PALM2AKAP2: variants seen among roughly 807,000 people sequenced by gnomAD.
PALM2AKAP2 encodes the protein PALM2 and AKAP2 fusion.
Under a neutral mutation model 71.5 loss-of-function variants are expected in PALM2AKAP2, and 37 were observed. The observed-to-expected ratio is 0.52, with a 90% confidence interval of 0.40 to 0.68. PALM2AKAP2 has a LOEUF of 0.68. Among genes scored for constraint, PALM2AKAP2 ranks in the 30% least tolerant of loss-of-function variants. The pLI, the probability that PALM2AKAP2 is intolerant of heterozygous loss-of-function variation, is 0.00. For synonymous variants in PALM2AKAP2, 468 were observed against 478.8 expected, an observed-to-expected ratio of 0.98 and a Z score of 0.29; for missense variants, 1,224 against 1,191.8, an observed-to-expected ratio of 1.03 and a Z score of -0.40.
At chr9:110,025,635 C>T (rs562245549) in intron 7 of PALM2AKAP2, among the ~76,000 whole-genome samples, 1 of 152,282 alleles carries the variant, frequency 6.6e-6, no homozygotes, top group South Asian at 2.1e-4. Context: ...AAAGCATCTA[C>T]ACCACTTTAC....
chr9:110,003,287 G>A (rs543697520), intron 6 of PALM2AKAP2, among the ~76,000 whole-genome samples: 23 of 152,012 alleles, frequency 1.5e-4, no homozygotes, highest in Non-Finnish European at 2.5e-4. Context: ...ATTTTGTTAT[G>A]TACCCAGTAG....
At chr9:110,120,993 T>C (rs1006131848) in intron 1 of PALM2AKAP2, among the ~76,000 whole-genome samples, 3 of 152,112 alleles carry the variant, frequency 2.0e-5, no homozygotes, top group Admixed American at 6.5e-5. Context: ...GAGGGGTCCA[T>C]ATGTTTGTAT....
At chr9:109,952,653 T>C (rs1831666121) in intron 6 of PALM2AKAP2, among the ~76,000 whole-genome samples, 1 of 152,240 alleles carries the variant, frequency 6.6e-6, no homozygotes, top group African/African-American at 2.4e-5. Flanking sequence ...AAGCATTTAG[T>C]GCAGTTGTTT....
At chr9:109,796,988 ACC>A (rs1298861047) in intron 1 of PALM2AKAP2, among the ~76,000 whole-genome samples, 1 of 152,128 alleles carries the variant, frequency 6.6e-6, no homozygotes, top group African/African-American at 2.4e-5. Flanking sequence ...GGTAAAAATA[ACC>A]TTTAGCTGGG....
chr9:109,916,432 G>A (rs1415925462), intron 3 of PALM2AKAP2, among the ~76,000 whole-genome samples: 1 of 152,174 alleles, frequency 6.6e-6, no homozygotes, highest in Non-Finnish European at 1.5e-5. Context: ...ATTGGGAGTG[G>A]GGACGGAAAC....
chr9:110,126,484 A>T (rs1292995602), intron 1 of PALM2AKAP2, among the ~76,000 whole-genome samples: 1 of 152,200 alleles, frequency 6.6e-6, no homozygotes. Context: ...AGCTTGGTTT[A>T]TTCTGGGGTA....
At chr9:110,059,690 C>T (rs2132542876) in intron 1 of PALM2AKAP2, among the ~76,000 whole-genome samples, 1 of 152,238 alleles carries the variant, frequency 6.6e-6, no homozygotes, top group African/African-American at 2.4e-5. Flanking sequence ...CAGAAGAAGC[C>T]AGAGTGCTAG....
intron 1 of PALM2AKAP2, among the ~76,000 whole-genome samples, chr9:109,774,185 G>A (rs369302778): frequency 2.0e-5 from 3 of 152,200 alleles, no homozygotes; most frequent in Non-Finnish European, 4.4e-5. Flanking sequence ...GGAGCACATC[G>A]TGGTCATTGT....
chr9:110,109,682 C>T (rs1835201412), intron 1 of PALM2AKAP2, among the ~76,000 whole-genome samples: 1 of 152,148 alleles, frequency 6.6e-6, no homozygotes. Flanking sequence ...CAGGTTTAAC[C>T]TGAATCCTTG....
At chr9:110,008,074 C>T (rs1280435096) in intron 6 of PALM2AKAP2, among the ~76,000 whole-genome samples, 1 of 152,118 alleles carries the variant, frequency 6.6e-6, no homozygotes, top group Non-Finnish European at 1.5e-5. Context: ...AGTTGTTACA[C>T]AGAAAGGTGG....
At chr9:109,703,479 A>T (rs1207606681) in intron 1 of PALM2AKAP2, among the ~76,000 whole-genome samples, 1 of 152,120 alleles carries the variant, frequency 6.6e-6, no homozygotes, top group African/African-American at 2.4e-5. Flanking sequence ...TGTCCTGAAA[A>T]TGTCTTACAG....
intron 1 of PALM2AKAP2, among the ~76,000 whole-genome samples, chr9:110,073,278 T>C (rs1232737551): frequency 6.6e-6 from 1 of 152,192 alleles, no homozygotes; most frequent in Admixed American, 6.5e-5. Context: ...ACAAAGCTTT[T>C]AGGAAATAAG....
chr9:109,743,671 T>C lies in PALM2AKAP2; in HGVS notation c.6-36817T>C, dbSNP rs1425893216. On this transcript the variant is annotated intron_variant, in intron 1 of 6. Transcript: ENST00000374531. ...GAAAGTTTCAAAAATTTTCAAAATA[T>C]CTTTTGAAATGTAAGCCTTCCTTAG... 2.6e-5 allele frequency among the ~76,000 whole-genome samples: 4 copies of C among 152,334 alleles called. No individual in the cohort carries two copies. The East Asian group carries it at 7.7e-4, about 29-fold the overall frequency.
At chr9:109,716,206 T>C (rs1828316933) in intron 1 of PALM2AKAP2, among the ~76,000 whole-genome samples, 1 of 152,230 alleles carries the variant, frequency 6.6e-6, no homozygotes, top group Non-Finnish European at 1.5e-5. Flanking sequence ...CCTCTTTATG[T>C]CGTGTTATAC....
chr9:110,168,490 A>G, exon 4 of PALM2AKAP2: 4 of 1,614,128 alleles, frequency 2.5e-6, no homozygotes, highest in Non-Finnish European at 2.5e-6. Flanking sequence ...GAAGAAGACA[A>G]CGAATAAACT....
intron 7 of PALM2AKAP2, among the ~76,000 whole-genome samples, chr9:110,026,441 C>G (rs1833183715): frequency 6.6e-6 from 1 of 151,956 alleles, no homozygotes; most frequent in Non-Finnish European, 1.5e-5. Flanking sequence ...TTTTTATTAG[C>G]CTAATCAATG....
At chr9:109,887,355 T>C (rs990874903) in intron 3 of PALM2AKAP2, among the ~76,000 whole-genome samples, 2 of 152,220 alleles carry the variant, frequency 1.3e-5, no homozygotes, top group African/African-American at 4.8e-5. Flanking sequence ...AGGGGAACAC[T>C]CCACAGTGGC....
intron 1 of PALM2AKAP2, among the ~76,000 whole-genome samples, chr9:110,112,189 C>T (rs1225044301): frequency 6.6e-6 from 1 of 151,526 alleles, no homozygotes; most frequent in Non-Finnish European, 1.5e-5. Flanking sequence ...TGAAGATTAC[C>T]ATCCGAGATA....
intron 1 of PALM2AKAP2, among the ~76,000 whole-genome samples, chr9:110,078,941 C>T (rs1399826411): frequency 6.6e-6 from 1 of 152,196 alleles, no homozygotes; most frequent in Admixed American, 6.5e-5. Flanking sequence ...ACAATAGCAA[C>T]TGCTTATGAC....
Sources: gnomAD v4.1 joint callset for allele counts (sites outside exome capture counted in the v4.1 genomes callset) on GRCh38, gnomAD v4.1.1 for gene constraint, MANE v1.5 for transcripts, NCBI Gene and HGNC (gene_info 2026-07-23, HGNC 2026-07-21) for gene names.